AEBP2: variants seen among roughly 807,000 people sequenced by gnomAD.
AEBP2 encodes zinc finger protein AEBP2.
AEBP2 carries 10 observed loss-of-function variants against 50.8 expected under a neutral mutation model. The ratio of observed to expected loss-of-function variants is 0.20; its 90% CI spans 0.12 to 0.33. AEBP2 has a LOEUF of 0.33. AEBP2 is among the 10% of genes least tolerant of loss of function. AEBP2 has a pLI of 1.00. For missense variants in AEBP2, 570 were observed against 688.0 expected, an observed-to-expected ratio of 0.83 and a Z score of 1.92; for synonymous variants, 296 against 261.3, an observed-to-expected ratio of 1.13 and a Z score of -1.28.
chr12:19,470,973 C>T (rs1029969526), intron 2 of AEBP2, among the ~76,000 whole-genome samples: 1 of 150,984 alleles, frequency 6.6e-6, no homozygotes, highest in Non-Finnish European at 1.5e-5. Context: ...CAAGTAATTG[C>T]GTTTTTTTTC....
intron 1 of AEBP2, among the ~76,000 whole-genome samples, chr12:19,412,585 G>T: frequency 6.6e-6 from 1 of 151,444 alleles, no homozygotes; most frequent in East Asian, 1.9e-4. Context: ...GCCTCCGAAG[G>T]TTATTATTAT....
At chr12:19,434,987 C>T (rs575091760), upstream of AEBP2, among the ~76,000 whole-genome samples, 2 of 152,082 alleles carry the variant, frequency 1.3e-5, no homozygotes, top group East Asian at 3.9e-4. Flanking sequence ...TCACTTTTGA[C>T]ACTTTTTTTT....
intron 5 of AEBP2, among the ~76,000 whole-genome samples, chr12:19,503,589 G>A (rs1387236427): frequency 6.6e-6 from 1 of 151,896 alleles, no homozygotes; most frequent in African/African-American, 2.4e-5. Flanking sequence ...CTATTTGGAT[G>A]CCTTTTATTG....
intron 1 of AEBP2, chr12:19,456,679 C>A (rs529899975): frequency 1.3e-6 from 2 of 1,570,432 alleles, no homozygotes; most frequent in East Asian, 2.2e-5. Flanking sequence ...TGACGAACAT[C>A]CTTGACAGAC....
intron 6 of AEBP2, among the ~76,000 whole-genome samples, chr12:19,513,372 GTATAT>G (rs1486555496): frequency 1.3e-5 from 2 of 151,936 alleles, no homozygotes; most frequent in Non-Finnish European, 2.9e-5. Context: ...GGAAATGAGG[GTATAT>G]TATAGACATA....
chr12:19,413,361 A>G (rs1028668647), intron 1 of AEBP2: 2 of 1,064,018 alleles, frequency 1.9e-6, no homozygotes, highest in African/African-American at 3.1e-5. Flanking sequence ...AAGGTTTAAT[A>G]GAAATCCTTT....
At chr12:19,466,028 G>T (rs571621759) in intron 2 of AEBP2, among the ~76,000 whole-genome samples, 199 of 151,904 alleles carry the variant, frequency 1.3e-3, no homozygotes, top group African/African-American at 4.7e-3. Context: ...CTGATCTCAG[G>T]AGTTCCTGAG....
chr12:19,515,516 C>T (rs1367400258), intron 7 of AEBP2, among the ~76,000 whole-genome samples: 1 of 151,974 alleles, frequency 6.6e-6, no homozygotes, highest in Non-Finnish European at 1.5e-5. Context: ...ATGATGTACA[C>T]GAGAGTGATT....
At position 19,485,730 on chromosome 12, in the gene AEBP2, G is replaced by A. The variant is rs950881585; in HGVS notation, c.988-8070G>A. On this transcript the variant is annotated intron_variant, in intron 3 of 7. Coordinates refer to ENST00000266508, the MANE Select transcript of AEBP2 (RefSeq NM_153207.5). ...TCTCAAAAAAAAAAAAAAAAGAAAA[G>A]CAGGCCTCTATACTCAGGGAACTTG... Among the ~76,000 whole-genome samples the A allele has an allele frequency of 3.7e-5, 5 of 135,168 alleles. No homozygotes were observed. In the South Asian group the frequency reaches 9.3e-4, roughly 25 times the overall value. 88.7% of individuals were successfully genotyped at this position (135,168 alleles called of 152,430 possible).
rs1019920879 is a variant in AEBP2, at chr12:19,494,081, C to G, written c.1174+95C>G. On this transcript the variant is annotated intron_variant, in intron 4 of 7. Coordinates refer to ENST00000266508, the MANE Select transcript of AEBP2 (RefSeq NM_153207.5). Reference sequence around the variant, plus strand: ...TCCACTTTGAACTTCAACTCCTCTTCTATTAAAAGTAACAAACAGGTAGGA... The same window carrying G: ...TCCACTTTGAACTTCAACTCCTCTTGTATTAAAAGTAACAAACAGGTAGGA... 267 of 1,339,264 alleles carry G rather than the reference C, an allele frequency of 2.0e-4. 1 individual carries two copies. Among genetic ancestry groups the G allele is most frequent in the Non-Finnish European group, 2.5e-4 (253 of 993,614 alleles). The allele number at this position is 1,339,264 out of a possible 1,614,324, so 83.0% of individuals were successfully genotyped here.
chr12:19,457,358 G>T lies in AEBP2; in HGVS notation c.672-5152G>T, dbSNP rs142839342. The T allele has an allele frequency of 5.3e-4, 772 of 1,452,562 alleles. 3 individuals are homozygous for T. The African/African-American group carries it at 1.0e-2, about 19-fold the overall frequency. 90.0% of individuals were successfully genotyped at this position (1,452,562 alleles called of 1,614,324 possible). A position where few individuals can be genotyped will look rare whatever the true frequency, so the allele number is the denominator to read the frequency against. On this transcript the variant is annotated intron_variant, in intron 1 of 7. Coordinates refer to ENST00000266508, the MANE Select transcript of AEBP2 (RefSeq NM_153207.5). ...TTTTTGATGAAGTCTCTGTGGTTAAGTCTCTGTGTCCTAGGGCATCAATGA... is the reference window on the plus strand; with the variant it reads ...TTTTTGATGAAGTCTCTGTGGTTAATTCTCTGTGTCCTAGGGCATCAATGA...
At chr12:19,436,858 C>T (rs1328455234), upstream of AEBP2, among the ~76,000 whole-genome samples, 3 of 152,110 alleles carry the variant, frequency 2.0e-5, no homozygotes, top group African/African-American at 4.8e-5. Context: ...CTTCAGTTTC[C>T]CAAAGTGCTG....
chr12:19,429,159 G>C (rs2095750123), intron 1 of AEBP2, among the ~76,000 whole-genome samples: 1 of 152,162 alleles, frequency 6.6e-6, no homozygotes. Context: ...CCCGGTGTGT[G>C]ATGTTCCCCT....
chr12:19,460,381 G>A (rs1253561345), intron 1 of AEBP2, among the ~76,000 whole-genome samples: 2 of 152,048 alleles, frequency 1.3e-5, no homozygotes, highest in African/African-American at 2.4e-5. Context: ...TCGCTCTGTC[G>A]CCCAGGCTCG....
chr12:19,439,714 C>T lies in AEBP2; in HGVS notation c.15C>T (p.Ile5=). 1.3e-6 allele frequency: 2 copies of T among 1,516,044 alleles called. No homozygotes were observed. Among genetic ancestry groups the T allele is most frequent in the Non-Finnish European group, 1.8e-6 (2 of 1,138,694 alleles). The allele number at this position is 1,516,044 out of a possible 1,614,324, so 93.9% of individuals were successfully genotyped here. MAAA[I]TDMADLEELS... is the part of the protein sequence containing the mutation. ...CAGGCGCCGCCATGGCCGCCGCTAT[C>T]ACCGACATGGCCGACCTGGAGGAGC... Residue 5 remains isoleucine, a synonymous_variant, in exon 1 of 8, where the codon ATC becomes ATT. Transcript: ENST00000266508.
At chr12:19,468,971 C>T (rs962359004) in intron 2 of AEBP2, among the ~76,000 whole-genome samples, 1 of 152,218 alleles carries the variant, frequency 6.6e-6, no homozygotes, top group Non-Finnish European at 1.5e-5. Flanking sequence ...GTCACCCAGG[C>T]TGGAGTGTAG....
chr12:19,414,040 C>T (rs548946944), intron 1 of AEBP2, among the ~76,000 whole-genome samples: 1 of 152,048 alleles, frequency 6.6e-6, no homozygotes, highest in Non-Finnish European at 1.5e-5. Context: ...ATTACAGGCG[C>T]CTGCCATCGT....
chr12:19,426,816 G>A (rs1189103423), intron 1 of AEBP2, among the ~76,000 whole-genome samples: 1 of 152,018 alleles, frequency 6.6e-6, no homozygotes, highest in East Asian at 1.9e-4. Context: ...CAGGAGAATC[G>A]CTTGAACCCA....
At chr12:19,491,709 A>G (rs973752361) in intron 3 of AEBP2, among the ~76,000 whole-genome samples, 2 of 150,912 alleles carry the variant, frequency 1.3e-5, no homozygotes, top group Non-Finnish European at 2.9e-5. Flanking sequence ...TATAAGAAGA[A>G]TGTGTGATTT....
Sources: gnomAD v4.1 joint callset for allele counts (sites outside exome capture counted in the v4.1 genomes callset) on GRCh38, gnomAD v4.1.1 for gene constraint, MANE v1.5 for transcripts, NCBI Gene and HGNC (gene_info 2026-07-23, HGNC 2026-07-21) for gene names.